The following NUP210L variants were observed in gnomAD, a reference collection of about 807,000 sequenced individuals.
NUP210L encodes nuclear pore membrane glycoprotein 210-like.
A neutral mutation model predicts 208.5 loss-of-function variants in NUP210L; 74 were observed. The ratio of observed to expected loss-of-function variants is 0.35; its 90% confidence interval spans 0.29 to 0.43. NUP210L has a LOEUF of 0.43. Ranked by LOEUF, NUP210L falls within the 20% of genes least tolerant of loss-of-function variation. The pLI is 1.00. For synonymous variants in NUP210L, 780 were observed against 816.9 expected, an observed-to-expected ratio of 0.95 and a Z score of 0.77; for missense variants, 1,843 against 2,289.4, an observed-to-expected ratio of 0.81 and a Z score of 3.98.
chr1:154,021,304 C>T (rs1484460371), intron 32 of NUP210L, among the ~76,000 whole-genome samples: 1 of 152,008 alleles, frequency 6.6e-6, no homozygotes, highest in African/African-American at 2.4e-5. Flanking sequence ...TATAGTTGGC[C>T]AGGGGCCAAC....
chr1:154,064,561 C>G (rs1011136433), intron 17 of NUP210L, among the ~76,000 whole-genome samples: 1 of 152,108 alleles, frequency 6.6e-6, no homozygotes, highest in East Asian at 1.9e-4. Flanking sequence ...CTGAAGCTCT[C>G]AAGTCTTCCT....
chr1:154,127,135 A>G (rs931186522), intron 9 of NUP210L, among the ~76,000 whole-genome samples, 176 bp downstream of exon 9: 1 of 151,452 alleles, frequency 6.6e-6, no homozygotes, highest in Non-Finnish European at 1.5e-5. Context: ...GAAGAAAAAG[A>G]AGAAGAAGAA....
chr1:154,117,674 T>G lies in NUP210L; in HGVS notation c.1620+51A>C, dbSNP rs756108201. 2.1e-6 allele frequency: 3 copies of G among 1,410,276 alleles called. 1 individual carries two copies. The South Asian group carries it at 3.8e-5, about 18-fold the overall frequency. The allele number at this position is 1,410,276 out of a possible 1,614,324, so 87.4% of individuals were successfully genotyped here. ...TTTTAAAGTGTGTTAATTACTTAAA[T>G]TTAGACAGTAGTGTTGTAGGGGTAA... is the stretch of plus-strand genomic sequence containing the variant. On this transcript the variant is annotated intron_variant, in intron 12 of 39. Transcript: ENST00000368559.
chr1:154,057,011 C>T, intron 22 of NUP210L, 64 bp from the exon 23 acceptor site: 1 of 1,548,588 alleles, frequency 6.5e-7, no homozygotes. Flanking sequence ...CAGGGTCTTA[C>T]TCTGTCGCCC....
At chr1:154,001,003 G>A in exon 37 of NUP210L, 1 of 1,614,200 alleles carries the variant, frequency 6.2e-7, no homozygotes, top group Non-Finnish European at 8.5e-7. Context: ...GCCAGGCCAG[G>A]AGTGAGGGGA....
At chr1:154,000,931 T>C (rs1405348949) in exon 37 of NUP210L, 1 of 1,614,144 alleles carries the variant, frequency 6.2e-7, no homozygotes, top group African/African-American at 1.3e-5. Flanking sequence ...GAAATATTGA[T>C]GAAAACAGGT....
At chr1:154,031,411 T>C (rs1652210732) in intron 27 of NUP210L, among the ~76,000 whole-genome samples, 1 of 152,124 alleles carries the variant, frequency 6.6e-6, no homozygotes, top group African/African-American at 2.4e-5. Flanking sequence ...AAATATACAA[T>C]AAGTTATTGT....
chr1:154,089,474 T>C, exon 16 of NUP210L: 1 of 1,614,134 alleles, frequency 6.2e-7, no homozygotes, highest in Non-Finnish European at 8.5e-7. Flanking sequence ...GCTGGCACCT[T>C]GTATACTGGA....
At chr1:154,082,980 C>G (rs936887793) in intron 16 of NUP210L, among the ~76,000 whole-genome samples, 1 of 152,138 alleles carries the variant, frequency 6.6e-6, no homozygotes, top group African/African-American at 2.4e-5. Flanking sequence ...TTTGTGGTCT[C>G]GCTGACTCCA....
chr1:154,029,469 C>T (rs554633147), intron 28 of NUP210L, among the ~76,000 whole-genome samples: 3 of 150,782 alleles, frequency 2.0e-5, no homozygotes, highest in East Asian at 3.9e-4. Context: ...TTTGGGAGGC[C>T]GAGGCAGGAG....
chr1:153,998,496 G>A (rs1174151880), intron 37 of NUP210L, among the ~76,000 whole-genome samples: 1 of 150,370 alleles, frequency 6.7e-6, no homozygotes, highest in Non-Finnish European at 1.5e-5. Flanking sequence ...GGAGGTTGCA[G>A]TGAGCTGAGA....
chr1:154,068,927 T>C (rs941189788), intron 17 of NUP210L, among the ~76,000 whole-genome samples: 1 of 152,122 alleles, frequency 6.6e-6, no homozygotes, highest in Admixed American at 6.6e-5. Flanking sequence ...TATACATATG[T>C]AACTAACCTG....
intron 27 of NUP210L, among the ~76,000 whole-genome samples, chr1:154,044,646 T>A (rs981301324): frequency 6.6e-6 from 1 of 152,166 alleles, no homozygotes; most frequent in Non-Finnish European, 1.5e-5. Context: ...GCTGCCGAAA[T>A]ATCCTCGTAA....
chr1:154,076,288 G>A (rs56189594), intron 16 of NUP210L, among the ~76,000 whole-genome samples: 1 of 151,644 alleles, frequency 6.6e-6, no homozygotes, highest in Non-Finnish European at 1.5e-5. Flanking sequence ...ATTTTTAGTA[G>A]AGACAGGGTT....
At chr1:154,081,091 T>A (rs2148030442) in intron 16 of NUP210L, among the ~76,000 whole-genome samples, 1 of 151,482 alleles carries the variant, frequency 6.6e-6, no homozygotes, top group East Asian at 1.9e-4. Context: ...GCAGACATAA[T>A]GCCTACCTTA....
chr1:154,113,407 A>G (rs931485177), intron 12 of NUP210L, among the ~76,000 whole-genome samples: 3 of 152,022 alleles, frequency 2.0e-5, no homozygotes, highest in Admixed American at 6.6e-5. Context: ...TAAAGCATCT[A>G]ACTCCATGTA....
rs1654320313 is a variant in NUP210L, at chr1:154,064,907, T to C, written c.2555-3233A>G. On this transcript the variant is annotated intron_variant, in intron 17 of 39. Coordinates refer to ENST00000368559, the Ensembl canonical transcript of NUP210L. ...CTGGCCAACATAGTGAAACCCTGTC[T>C]CTACTAAAAATACAAAAAATTAGCC... 2.0e-5 allele frequency among the ~76,000 whole-genome samples: 3 copies of C among 151,584 alleles called. No homozygotes were observed. The South Asian group carries it at 6.2e-4, about 32-fold the overall frequency.
At chr1:154,047,181 T>C (rs1362088149) in intron 25 of NUP210L, among the ~76,000 whole-genome samples, 1 of 152,112 alleles carries the variant, frequency 6.6e-6, no homozygotes, top group African/African-American at 2.4e-5. Flanking sequence ...GGGCTAGTAT[T>C]TGATAGCACA....
chr1:154,133,249 GA>G (rs1658346708), intron 7 of NUP210L, among the ~76,000 whole-genome samples: 1 of 152,138 alleles, frequency 6.6e-6, no homozygotes, highest in Non-Finnish European at 1.5e-5. Flanking sequence ...CATCAGAGAG[GA>G]CTTTTCTAAC....
Sources: allele counts gnomAD v4.1 joint callset (sites outside exome capture counted in the v4.1 genomes callset), GRCh38; gene constraint gnomAD v4.1.1; transcripts MANE v1.5; gene names NCBI Gene and HGNC (gene_info 2026-07-23, HGNC 2026-07-21).